Variants in PIKFYVE observed in about 807,000 individuals in gnomAD.
The protein encoded by PIKFYVE is 1-phosphatidylinositol 3-phosphate 5-kinase.
PIKFYVE carries 122 observed loss-of-function variants against 257.9 expected under a neutral mutation model. The ratio of observed to expected loss-of-function variants is 0.47; its 90% CI spans 0.41 to 0.55. The LOEUF (loss-of-function observed/expected upper bound fraction) is 0.55. Among genes scored for constraint, PIKFYVE ranks in the 20% least tolerant of loss-of-function variants. The pLI is 0.00. For missense variants in PIKFYVE, 2,160 were observed against 2,536.6 expected, an observed-to-expected ratio of 0.85 and a Z score of 3.19; for synonymous variants, 892 against 868.9, an observed-to-expected ratio of 1.03 and a Z score of -0.47.
chr2:208,300,820 C>T (rs1693590901), intron 8 of PIKFYVE, 117 bp from the exon 9 acceptor site: 1 of 1,249,960 alleles, frequency 8.0e-7, no homozygotes, highest in Non-Finnish European at 1.2e-6. Context: ...GAGTTAGCTA[C>T]CATAAAGAAA....
Position 208,339,689 on chromosome 2 carries a change from C to T in PIKFYVE, c.4810+134C>T, listed in dbSNP as rs1202614644. ...TAATAACAGATTCATGCCTTGCTTTCTGTTTAGGTGGTAACTACTTAAATT... is the reference window on the plus strand; with the variant it reads ...TAATAACAGATTCATGCCTTGCTTTTTGTTTAGGTGGTAACTACTTAAATT... On this transcript the variant is annotated intron_variant, in intron 30 of 41. Coordinates refer to ENST00000264380, the MANE Select transcript of PIKFYVE (RefSeq NM_015040.4). 14 of 1,239,002 alleles carry T rather than the reference C, an allele frequency of 1.1e-5. No individual in the cohort carries two copies. In the East Asian group the frequency reaches 2.0e-4, roughly 18 times the overall value. 76.8% of individuals were successfully genotyped at this position (1,239,002 alleles called of 1,614,324 possible). A position where few individuals can be genotyped will look rare whatever the true frequency, so the allele number is the denominator to read the frequency against.
At chr2:208,297,253 G>A (rs1373348008) in intron 7 of PIKFYVE, among the ~76,000 whole-genome samples, 1 of 152,086 alleles carries the variant, frequency 6.6e-6, no homozygotes, top group Non-Finnish European at 1.5e-5. Flanking sequence ...TAGAATATGT[G>A]CAAGGATGGT....
At chr2:208,278,175 G>T (rs1156571294) in intron 5 of PIKFYVE, among the ~76,000 whole-genome samples, 4 of 152,118 alleles carry the variant, frequency 2.6e-5, no homozygotes, top group Non-Finnish European at 4.4e-5. Context: ...CTGAACAATG[G>T]TATGTTGATT....
chr2:208,279,946 C>T lies in PIKFYVE; in HGVS notation c.613+2238C>T, dbSNP rs190185224. On this transcript the variant is annotated intron_variant, in intron 5 of 41. Transcript: ENST00000264380. ...AGGCAGGAGGCATCACATTTCCTGA[C>T]TTCAAATTGTAATCTAAGGCTACAG... Among the ~76,000 whole-genome samples the T allele has an allele frequency of 5.9e-5, 9 of 152,342 alleles. No homozygotes were observed. In the East Asian group the frequency reaches 1.5e-3, roughly 26 times the overall value.
intron 12 of PIKFYVE, among the ~76,000 whole-genome samples, 173 bp from the exon 13 acceptor site, chr2:208,312,063 C>G (rs988518728): frequency 4.6e-5 from 7 of 152,162 alleles, no homozygotes; most frequent in Admixed American, 2.0e-4. Flanking sequence ...GTGCATAGAA[C>G]AAGTATAAAG....
chr2:208,271,462 T>G, intron 1 of PIKFYVE, 49 bp from the exon 2 acceptor site: 4 of 1,575,028 alleles, frequency 2.5e-6, no homozygotes, highest in Non-Finnish European at 3.5e-6. Context: ...AATCAACTTT[T>G]GAGCTTCCTG....
At chr2:208,335,524 T>C in intron 25 of PIKFYVE, 105 bp downstream of exon 25, 13 of 985,524 alleles carry the variant, frequency 1.3e-5, no homozygotes, top group Non-Finnish European at 2.0e-5. Context: ...TTTCTAATTG[T>C]ATGCTATGCA....
At chr2:208,338,803 G>GA (rs1277124977) in intron 29 of PIKFYVE, among the ~76,000 whole-genome samples, 2 of 151,992 alleles carry the variant, frequency 1.3e-5, no homozygotes, top group African/African-American at 2.4e-5. Flanking sequence ...ATTAGGGGAA[G>GA]AAAAAACAGA....
intron 38 of PIKFYVE, among the ~76,000 whole-genome samples, 197 bp downstream of exon 38, chr2:208,351,652 G>T (rs1249537932): frequency 6.6e-6 from 1 of 152,164 alleles, no homozygotes; most frequent in Admixed American, 6.6e-5. Context: ...TCTGTTTCTG[G>T]TGAGGGCCTC....
At chr2:208,336,716 AC>A (rs1432503720) in intron 27 of PIKFYVE, 121 bp from the exon 28 acceptor site, 2 of 637,058 alleles carry the variant, frequency 3.1e-6, no homozygotes, top group African/African-American at 1.9e-5. Context: ...AACTTTAAAG[AC>A]TATGGTAATC....
chr2:208,339,866 CT>C, intron 30 of PIKFYVE, 144 bp from the exon 31 acceptor site: 2 of 1,022,512 alleles, frequency 2.0e-6, no homozygotes, highest in Non-Finnish European at 2.9e-6. Flanking sequence ...CCATAGTGGT[CT>C]TTTCCCTTGA....
chr2:208,276,149 A>G (rs974437180), intron 3 of PIKFYVE, among the ~76,000 whole-genome samples: 1 of 152,216 alleles, frequency 6.6e-6, no homozygotes, highest in African/African-American at 2.4e-5. Context: ...TTACCATGGC[A>G]AAATTTGCCA....
At chr2:208,329,237 A>G (rs535920671) in intron 21 of PIKFYVE, among the ~76,000 whole-genome samples, 1 of 152,276 alleles carries the variant, frequency 6.6e-6, no homozygotes, top group Admixed American at 6.5e-5. Context: ...ATTTTGGATA[A>G]CTGAAACACT....
intron 39 of PIKFYVE, among the ~76,000 whole-genome samples, chr2:208,353,408 C>T: frequency 6.6e-6 from 1 of 152,210 alleles, no homozygotes; most frequent in East Asian, 1.9e-4. Context: ...TCCTGGTACT[C>T]AAGTCCCCTG....
chr2:208,335,598 C>G (rs1486423781), intron 25 of PIKFYVE, among the ~76,000 whole-genome samples, 179 bp downstream of exon 25: 3 of 152,144 alleles, frequency 2.0e-5, no homozygotes, highest in Admixed American at 2.0e-4. Flanking sequence ...AAGCCAAACT[C>G]TTTTAGACAT....
At chr2:208,285,536 A>G (rs978771217) in intron 5 of PIKFYVE, among the ~76,000 whole-genome samples, 190 bp from the exon 6 acceptor site, 16 of 152,168 alleles carry the variant, frequency 1.1e-4, no homozygotes, top group African/African-American at 3.9e-4. Context: ...TGGCCCTTAA[A>G]TATATATAAT....
At chr2:208,279,138 C>G (rs1690483306) in intron 5 of PIKFYVE, among the ~76,000 whole-genome samples, 1 of 152,118 alleles carries the variant, frequency 6.6e-6, no homozygotes, top group Admixed American at 6.5e-5. Context: ...TTTTGATTTG[C>G]ATTTCACTAA....
chr2:208,273,786 T>C, intron 3 of PIKFYVE, 53 bp downstream of exon 3: 1 of 1,599,320 alleles, frequency 6.3e-7, no homozygotes, highest in Middle Eastern at 1.7e-4. Flanking sequence ...TTTTCCACAG[T>C]CATTGTGTTT....
Position 208,280,360 on chromosome 2 carries a change from G to A in PIKFYVE, c.613+2652G>A, listed in dbSNP as rs1384404475. ...GAAATAACCATAGAGTGAGTTTGGGGACTCACTAAACTCACAGTGAGATGG... is the reference window on the plus strand; with the variant it reads ...GAAATAACCATAGAGTGAGTTTGGGAACTCACTAAACTCACAGTGAGATGG... On this transcript the variant is annotated intron_variant, in intron 5 of 41. Transcript: ENST00000264380. Among the ~76,000 whole-genome samples the A allele has an allele frequency of 3.9e-5, 6 of 152,146 alleles. No individual in the cohort carries two copies. In the East Asian group the frequency reaches 5.8e-4, roughly 15 times the overall value.
Sources: allele counts gnomAD v4.1 joint callset (sites outside exome capture counted in the v4.1 genomes callset), GRCh38; gene constraint gnomAD v4.1.1; transcripts MANE v1.5; gene names NCBI Gene and HGNC (gene_info 2026-07-23, HGNC 2026-07-21).